AKAP13: variants seen among roughly 807,000 people sequenced by gnomAD.
AKAP13 encodes A-kinase anchoring protein 13.
A neutral mutation model predicts 264.5 loss-of-function variants in AKAP13; 80 were observed. The ratio of observed to expected loss-of-function variants is 0.30; its 90% CI spans 0.25 to 0.36. The LOEUF is 0.36. AKAP13 is among the 10% of genes least tolerant of loss of function. The pLI, the probability that AKAP13 is intolerant of heterozygous loss-of-function variation, is 1.00. For synonymous variants in AKAP13, 1,380 were observed against 1,250.2 expected, an observed-to-expected ratio of 1.10 and a Z score of -2.19; for missense variants, 3,712 against 3,435.2, an observed-to-expected ratio of 1.08 and a Z score of -2.01.
chr15:85,579,800 G>A lies in AKAP13; in HGVS notation c.1732G>A (p.Ala578Thr), dbSNP rs1266686064. The A allele has an allele frequency of 6.2e-7, 1 of 1,614,094 alleles. No homozygotes were observed. Among genetic ancestry groups the A allele is most frequent in the Non-Finnish European group, 8.5e-7 (1 of 1,180,046 alleles). ...TETSRSREESADAPVDQNSVV... is the reference protein window; with the variant it reads ...TETSRSREESTDAPVDQNSVV... ...AACTTCACGAAGTCGTGAGGAGAGT[G>A]CTGATGCTCCAGTAGATCAGAATTC... Residue 578 changes from alanine to threonine, a missense_variant, in exon 7 of 37, where the codon GCT becomes ACT. Physicochemically the swap from Ala to Thr is moderately conservative, Grantham distance 58. Coordinates refer to ENST00000394518, the MANE Select transcript of AKAP13 (RefSeq NM_007200.5).
At chr15:85,529,618 G>A (rs2077186969) in intron 3 of AKAP13, among the ~76,000 whole-genome samples, 1 of 152,206 alleles carries the variant, frequency 6.6e-6, no homozygotes, top group South Asian at 2.1e-4. Context: ...CCCCCCAGGT[G>A]CTTTATCAGA....
chr15:85,399,515 AAAAAAAATAAAAAAATAAAAAAATAAAT>A (rs2071298718), intron 1 of AKAP13, among the ~76,000 whole-genome samples: 2 of 120,138 alleles, frequency 1.7e-5, no homozygotes, highest in African/African-American at 6.2e-5. Flanking sequence ...AAAAAAAAAA[AAAAAAAATAAAAAAATAAAAAAATAAAT>A]AAATAAATAA....
intron 8 of AKAP13, among the ~76,000 whole-genome samples, chr15:85,637,351 G>A (rs1460936380): frequency 6.6e-6 from 1 of 152,100 alleles, no homozygotes; most frequent in African/African-American, 2.4e-5. Context: ...GATTATCTAT[G>A]TTTTCTTGAG....
In AKAP13 at chr15:85,581,474, C is replaced by G. The variant is rs769711841; in HGVS notation, c.3406C>G (p.Leu1136Val). The part of the protein sequence containing the change: ...KNAVLGLPVA[L>V]QDKAVTDPQG... ...TGCCGTTCTAGGTTTGCCAGTGGCT[C>G]TACAGGACAAAGCTGTGACTGACCC... Residue 1136 changes from leucine (L) to valine (V), a missense_variant, in exon 7 of 37, where the codon CTA (leucine) becomes GTA (valine). Leu to Val is a conservative substitution (Grantham distance 32). Coordinates refer to ENST00000394518, the MANE Select transcript of AKAP13 (RefSeq NM_007200.5). 5.0e-6 allele frequency: 8 copies of G among 1,614,208 alleles called. No individual in the cohort carries two copies. The South Asian group carries it at 7.7e-5, about 16-fold the overall frequency.
intron 1 of AKAP13, among the ~76,000 whole-genome samples, chr15:85,426,810 C>G (rs1216435867): frequency 6.6e-6 from 1 of 152,016 alleles, no homozygotes; most frequent in Non-Finnish European, 1.5e-5. Flanking sequence ...TGATGATATC[C>G]TTTCCTTCAT....
chr15:85,383,522 G>A (rs189020122), intron 1 of AKAP13, among the ~76,000 whole-genome samples: 1 of 152,230 alleles, frequency 6.6e-6, no homozygotes, highest in Non-Finnish European at 1.5e-5. Flanking sequence ...TTAAAAGTCT[G>A]ATGCTTCTGA....
At chr15:85,578,499 C>T (rs1395356246) in intron 6 of AKAP13, among the ~76,000 whole-genome samples, 2 of 152,030 alleles carry the variant, frequency 1.3e-5, no homozygotes, top group Non-Finnish European at 2.9e-5. Flanking sequence ...AGGCATGCAC[C>T]ACTACGCCCA....
intron 23 of AKAP13, 139 bp downstream of exon 23, chr15:85,719,465 A>C (rs930014674): frequency 4.8e-5 from 58 of 1,203,554 alleles, no homozygotes; most frequent in Non-Finnish European, 6.2e-5. Context: ...ATTTCTCTGG[A>C]GCCTTGATTT....
chr15:85,609,196 C>T (rs76732574), intron 8 of AKAP13, among the ~76,000 whole-genome samples: 15,425 of 152,200 alleles, frequency 0.1, 1,216 homozygotes, highest in East Asian at 0.36. Context: ...AGTCACCCTT[C>T]GGTGTGATGG....
At position 85,744,814 on chromosome 15, in the gene AKAP13, C is replaced by T; in HGVS notation, c.*137C>T. The T allele has an allele frequency of 5.5e-6, 4 of 721,092 alleles. No individual in the cohort carries two copies. The highest frequency in any genetic ancestry group is 6.7e-6 in the Non-Finnish European group (3 of 446,260). 44.7% of individuals were successfully genotyped at this position (721,092 alleles called of 1,614,324 possible). On this transcript the variant is annotated 3_prime_UTR_variant, in exon 37 of 37. Coordinates refer to ENST00000394518, the MANE Select transcript of AKAP13 (RefSeq NM_007200.5). ...CCAGTCCTCCTGGGCGGCCCCAGGT[C>T]CTGGACAATAAGCAACAGATGATAT...
rs750557722 is a variant in AKAP13, at chr15:85,718,142, G to A, written c.5984G>A (p.Arg1995Gln). ...CAGCAAAAGAAAGATGTGGTCAAAC[G>A]GCAAGAAGTAATATATGGTGAGAGT... ...LKQQKKDVVK[R>Q]QEVIYELMQT... The change falls in exon 22 of 37, where the codon CGG (arginine) becomes CAG (glutamine). Residue 1995 changes from arginine to glutamine, a missense_variant. Coordinates refer to ENST00000394518, the MANE Select transcript of AKAP13 (RefSeq NM_007200.5). The surrounding 1 kb of genome is among the most constrained non-coding windows in gnomAD (Gnocchi z 4.9). 10 of 1,614,024 alleles carry A rather than the reference G, an allele frequency of 6.2e-6. No homozygotes were observed. The highest frequency in any genetic ancestry group is 2.2e-5 in the East Asian group (1 of 44,864).
At chr15:85,611,634 G>A (rs1567154379) in intron 8 of AKAP13, among the ~76,000 whole-genome samples, 1 of 152,152 alleles carries the variant, frequency 6.6e-6, no homozygotes, top group African/African-American at 2.4e-5. Context: ...TCTTTTGAGC[G>A]TATTCCAGAA....
chr15:85,686,459 G>A (rs16943173), intron 16 of AKAP13, among the ~76,000 whole-genome samples: 2,083 of 152,198 alleles, frequency 0.014, 57 homozygotes, highest in African/African-American at 0.048. Flanking sequence ...TCCACCAAAC[G>A]TGCCACAAGA....
intron 1 of AKAP13, among the ~76,000 whole-genome samples, chr15:85,430,775 G>A (rs1198207483): frequency 1.3e-5 from 2 of 152,090 alleles, no homozygotes; most frequent in East Asian, 1.9e-4. Flanking sequence ...ATGTACATTG[G>A]CCTAATATTT....
chr15:85,631,659 T>C (rs1166012279), intron 8 of AKAP13, among the ~76,000 whole-genome samples: 1 of 152,168 alleles, frequency 6.6e-6, no homozygotes, highest in East Asian at 1.9e-4. Flanking sequence ...AATAGTAATG[T>C]ACCAGTGTTG....
At chr15:85,622,352 A>G (rs2081232005) in intron 8 of AKAP13, among the ~76,000 whole-genome samples, 1 of 152,166 alleles carries the variant, frequency 6.6e-6, no homozygotes, top group African/African-American at 2.4e-5. Context: ...GCTAAGGAAG[A>G]GCTCTCTAGA....
chr15:85,648,363 T>C (rs1404389395), intron 10 of AKAP13, among the ~76,000 whole-genome samples: 1 of 152,246 alleles, frequency 6.6e-6, no homozygotes, highest in African/African-American at 2.4e-5. Context: ...TGTGCCTGGA[T>C]GTTACCATCT....
At chr15:85,551,869 A>G (rs1032799884) in intron 5 of AKAP13, among the ~76,000 whole-genome samples, 6 of 152,244 alleles carry the variant, frequency 3.9e-5, no homozygotes, top group East Asian at 3.8e-4. Flanking sequence ...CTTAAAAGCT[A>G]CATGTGATTT....
intron 12 of AKAP13, among the ~76,000 whole-genome samples, chr15:85,661,020 GGAGCCGAGTGGTTTTATT>G (rs1250614465): frequency 6.6e-6 from 1 of 152,090 alleles, no homozygotes; most frequent in African/African-American, 2.4e-5. Flanking sequence ...GATTCTGGAG[GGAGCCGAGTGGTTTTATT>G]GAGCCGAGTG....
Sources: gnomAD v4.1 joint callset for allele counts (sites outside exome capture counted in the v4.1 genomes callset) on GRCh38, gnomAD v4.1.1 for gene constraint, Gnocchi (gnomAD v3.1) non-coding constraint, MANE v1.5 for transcripts, NCBI Gene and HGNC (gene_info 2026-07-23, HGNC 2026-07-21) for gene names.